The following KCNH8 variants were observed in gnomAD, a reference collection of about 807,000 sequenced individuals.
KCNH8 encodes voltage-gated delayed rectifier potassium channel KCNH8.
A neutral mutation model predicts 103.6 loss-of-function variants in KCNH8; 70 were observed. That is an observed-to-expected ratio of 0.68 (90% CI 0.56 to 0.82). The LOEUF (loss-of-function observed/expected upper bound fraction) is 0.82, where lower values mean the gene tolerates loss of function less well. Among genes scored for constraint, KCNH8 ranks in the 40% least tolerant of loss-of-function variants. The pLI, the probability that KCNH8 is intolerant of heterozygous loss-of-function variation, is 0.00. For synonymous variants in KCNH8, 498 were observed against 489.4 expected (o/e 1.02, Z -0.23); for missense variants, 1,217 against 1,329.9 (o/e 0.92, Z 1.32).
intron 11 of KCNH8, among the ~76,000 whole-genome samples, chr3:19,459,239 T>C (rs903615210): frequency 6.6e-6 from 1 of 152,020 alleles, no homozygotes; most frequent in Non-Finnish European, 1.5e-5. Context: ...GTTCCTTTTT[T>C]TTCACATCCT....
chr3:19,460,259 G>C (rs536117158), intron 11 of KCNH8, among the ~76,000 whole-genome samples: 1 of 152,024 alleles, frequency 6.6e-6, no homozygotes, highest in Admixed American at 6.6e-5. Flanking sequence ...TCAAACCATA[G>C]TATGTTTACC....
intron 1 of KCNH8, among the ~76,000 whole-genome samples, chr3:19,201,231 C>CAAAAAAAAAAAAAAAAAAAAAAAAAA (rs1170312203): frequency 9.1e-5 from 2 of 22,062 alleles, no homozygotes; most frequent in African/African-American, 3.6e-4. Flanking sequence ...GACTCTGCCT[C>CAAAAAAAAAAAAAAAAAAAAAAAAAA]AAAAAAAAAA....
chr3:19,186,964 G>C (rs2063508405), intron 1 of KCNH8, among the ~76,000 whole-genome samples: 1 of 152,034 alleles, frequency 6.6e-6, no homozygotes, highest in African/African-American at 2.4e-5. Flanking sequence ...CAATTCAGCT[G>C]TTGTAGCATG....
chr3:19,359,812 G>A (rs1014877844), intron 5 of KCNH8, among the ~76,000 whole-genome samples: 3 of 152,096 alleles, frequency 2.0e-5, no homozygotes, highest in African/African-American at 7.2e-5. Flanking sequence ...GAGTATGTGT[G>A]TGTATATTTA....
chr3:19,459,986 C>CT (rs1559337526), intron 11 of KCNH8, among the ~76,000 whole-genome samples: 1 of 150,622 alleles, frequency 6.6e-6, no homozygotes. Context: ...GTCATTTGTT[C>CT]TTTTTTGGTC....
At chr3:19,187,848 T>A (rs1427422437) in intron 1 of KCNH8, among the ~76,000 whole-genome samples, 2 of 152,228 alleles carry the variant, frequency 1.3e-5, no homozygotes, top group East Asian at 1.9e-4. Flanking sequence ...AGCCCTCATC[T>A]ACTTGTTGGC....
intron 7 of KCNH8, among the ~76,000 whole-genome samples, chr3:19,419,205 T>TG (rs1413710880): frequency 4.3e-5 from 6 of 140,090 alleles, no homozygotes; most frequent in Non-Finnish European, 7.8e-5. Context: ...GTTTTTTTTT[T>TG]TTTTTTTTTT....
chr3:19,352,397 C>T (rs929151672), intron 5 of KCNH8, among the ~76,000 whole-genome samples: 4 of 151,580 alleles, frequency 2.6e-5, no homozygotes, highest in South Asian at 2.1e-4. Context: ...TAGACATCTA[C>T]AGAACTCTCC....
chr3:19,371,345 T>A (rs1351758835), intron 5 of KCNH8, among the ~76,000 whole-genome samples: 3 of 152,180 alleles, frequency 2.0e-5, no homozygotes, highest in African/African-American at 7.2e-5. Flanking sequence ...TTGACTTGCA[T>A]TTCTCTGATG....
chr3:19,245,815 G>A (rs1390325223), intron 1 of KCNH8, among the ~76,000 whole-genome samples: 1 of 152,130 alleles, frequency 6.6e-6, no homozygotes, highest in East Asian at 1.9e-4. Flanking sequence ...TACTGAAAGT[G>A]TTTATCAGTT....
chr3:19,314,038 T>C (rs2125298927), intron 3 of KCNH8, among the ~76,000 whole-genome samples: 1 of 152,034 alleles, frequency 6.6e-6, no homozygotes, highest in African/African-American at 2.4e-5. Flanking sequence ...TACCTACATA[T>C]AAAAACCTAG....
At chr3:19,497,406 C>A (rs931775921) in intron 11 of KCNH8, among the ~76,000 whole-genome samples, 4 of 152,146 alleles carry the variant, frequency 2.6e-5, no homozygotes, top group Non-Finnish European at 5.9e-5. Context: ...CCTCTTAACA[C>A]CGCCTTAGCT....
intron 5 of KCNH8, among the ~76,000 whole-genome samples, chr3:19,376,238 A>G (rs1260154172): frequency 6.6e-6 from 1 of 152,156 alleles, no homozygotes; most frequent in African/African-American, 2.4e-5. Context: ...GTGCTGTGCT[A>G]GCAATCAGCG....
intron 11 of KCNH8, among the ~76,000 whole-genome samples, chr3:19,469,988 C>T (rs1359543080): frequency 6.6e-6 from 1 of 152,070 alleles, no homozygotes; most frequent in African/African-American, 2.4e-5. Flanking sequence ...TAGACTCCTA[C>T]CTCAGAAAAA....
At chr3:19,495,974 T>C (rs2068431992) in intron 11 of KCNH8, among the ~76,000 whole-genome samples, 2 of 151,614 alleles carry the variant, frequency 1.3e-5, no homozygotes, top group South Asian at 4.2e-4. Context: ...GCAAATGAGA[T>C]TACATTCTTG....
intron 1 of KCNH8, among the ~76,000 whole-genome samples, chr3:19,187,307 A>G (rs2063511788): frequency 6.6e-6 from 1 of 152,020 alleles, no homozygotes; most frequent in African/African-American, 2.4e-5. Flanking sequence ...ATATGTACAT[A>G]GTAGATATGC....
Position 19,390,613 on chromosome 3 carries a change from T to C in KCNH8, c.944T>C (p.Leu315Pro). ...TTAATCGCTGCCCTGCCTTTTGATCTTCTGTATGCTTTCAACGTCACAGTG... is the reference window on the plus strand; with the variant it reads ...TTAATCGCTGCCCTGCCTTTTGATCCTCTGTATGCTTTCAACGTCACAGTG... ...IDLIAALPFD[L>P]LYAFNVTVVS... Residue 315 changes from leucine to proline, a missense_variant, in exon 6 of 16, where the codon CTT becomes CCT. By Grantham distance (98) the Leu-to-Pro change is moderately conservative (BLOSUM62 -3). Transcript: ENST00000328405. 1 of 1,613,198 alleles carries C rather than the reference T, an allele frequency of 6.2e-7. No individual in the cohort carries two copies. Among genetic ancestry groups the C allele is most frequent in the East Asian group, 2.2e-5 (1 of 44,866 alleles).
intron 15 of KCNH8, among the ~76,000 whole-genome samples, chr3:19,524,362 C>T (rs1048606137): frequency 9.9e-5 from 15 of 151,970 alleles, no homozygotes; most frequent in Non-Finnish European, 1.8e-4. Flanking sequence ...TAACTGCTGG[C>T]AAAACCAACG....
At chr3:19,468,055 G>C (rs2067780085) in intron 11 of KCNH8, among the ~76,000 whole-genome samples, 1 of 152,042 alleles carries the variant, frequency 6.6e-6, no homozygotes, top group Non-Finnish European at 1.5e-5. Context: ...AGTCTGCTCT[G>C]GAGTTTGCCC....
Sources: gnomAD v4.1 joint callset for allele counts (sites outside exome capture counted in the v4.1 genomes callset) on GRCh38, gnomAD v4.1.1 for gene constraint, MANE v1.5 for transcripts, NCBI Gene and HGNC (gene_info 2026-07-23, HGNC 2026-07-21) for gene names.